The following AKAP6 variants were observed in gnomAD, a reference collection of about 807,000 sequenced individuals.
AKAP6 encodes the protein A-kinase anchoring protein 6, also known as A-kinase anchor protein 6.
A neutral mutation model predicts 188.5 loss-of-function variants in AKAP6; 58 were observed. The observed-to-expected ratio is 0.31, with a 90% CI of 0.25 to 0.38. The LOEUF (loss-of-function observed/expected upper bound fraction) is 0.38. Ranked by LOEUF, AKAP6 falls within the 10% of genes least tolerant of loss-of-function variation. The pLI, the probability that AKAP6 is intolerant of heterozygous loss-of-function variation, is 1.00. For missense variants in AKAP6, 2,710 were observed against 2,740.0 expected, an observed-to-expected ratio of 0.99 and a Z score of 0.24; for synonymous variants, 989 against 998.6, an observed-to-expected ratio of 0.99 and a Z score of 0.18.
At chr14:32,593,311 G>A (rs749360228) in intron 5 of AKAP6, among the ~76,000 whole-genome samples, 20 of 152,194 alleles carry the variant, frequency 1.3e-4, no homozygotes, top group Non-Finnish European at 2.5e-4. Flanking sequence ...TTGATTGGAT[G>A]TGTGGGTCTT....
chr14:32,645,886 A>T (rs1250750245), intron 7 of AKAP6, among the ~76,000 whole-genome samples: 1 of 152,160 alleles, frequency 6.6e-6, no homozygotes, highest in African/African-American at 2.4e-5. Flanking sequence ...TTTTAATTTG[A>T]TCCACATTTA....
rs779086168 is a variant in AKAP6, at chr14:32,577,069, C to T, written c.2347-51C>T. 7.6e-6 allele frequency: 12 copies of T among 1,574,754 alleles called. No individual in the cohort carries two copies. The African/African-American group carries it at 1.7e-4, about 22-fold the overall frequency. Reference sequence around the variant, plus strand: ...TATTGGCTTTTTACAGAATAACCAACTAACATGCCTTTCTTGCCCCTTTTT... The same window carrying T: ...TATTGGCTTTTTACAGAATAACCAATTAACATGCCTTTCTTGCCCCTTTTT... On this transcript the variant is annotated intron_variant, in intron 4 of 13. Transcript: ENST00000280979.
chr14:32,490,825 G>A (rs144987565), intron 2 of AKAP6, among the ~76,000 whole-genome samples: 69 of 152,226 alleles, frequency 4.5e-4, no homozygotes, highest in African/African-American at 9.1e-4. Flanking sequence ...TAGCTTGTTT[G>A]GTTGTTCTCA....
At chr14:32,703,777 A>G (rs1163138285) in intron 9 of AKAP6, among the ~76,000 whole-genome samples, 1 of 152,216 alleles carries the variant, frequency 6.6e-6, no homozygotes, top group Non-Finnish European at 1.5e-5. Context: ...AAATGCTCCT[A>G]TATTTACTAT....
intron 2 of AKAP6, among the ~76,000 whole-genome samples, chr14:32,471,251 A>G (rs1486208301): frequency 6.6e-6 from 1 of 152,250 alleles, no homozygotes; most frequent in Non-Finnish European, 1.5e-5. Flanking sequence ...CCATAATCAT[A>G]AAATGTACTG....
intron 9 of AKAP6, among the ~76,000 whole-genome samples, chr14:32,701,623 G>A (rs1220698742): frequency 6.6e-6 from 1 of 152,090 alleles, no homozygotes; most frequent in Admixed American, 6.5e-5. Flanking sequence ...ATGGAACATA[G>A]TTGACTTGCT....
chr14:32,351,840 T>C (rs771840527), intron 1 of AKAP6, among the ~76,000 whole-genome samples: 1 of 152,178 alleles, frequency 6.6e-6, no homozygotes, highest in Non-Finnish European at 1.5e-5. Flanking sequence ...TCAGACAGGA[T>C]AAGAATGGTA....
intron 2 of AKAP6, among the ~76,000 whole-genome samples, chr14:32,444,866 A>G (rs1261983330): frequency 6.6e-6 from 1 of 152,238 alleles, no homozygotes; most frequent in Non-Finnish European, 1.5e-5. Context: ...CAAAGGGAAA[A>G]TGGAATCTAT....
intron 11 of AKAP6, among the ~76,000 whole-genome samples, chr14:32,744,085 A>C (rs1045546245): frequency 1.3e-5 from 2 of 151,964 alleles, no homozygotes; most frequent in Non-Finnish European, 2.9e-5. Flanking sequence ...TTCCTTCAAC[A>C]CTTTAAATAT....
chr14:32,682,397 C>T lies in AKAP6; in HGVS notation c.2879+3938C>T, dbSNP rs373115435. 1.3e-4 allele frequency among the ~76,000 whole-genome samples: 20 copies of T among 152,312 alleles called. No individual in the cohort carries two copies. In the East Asian group the frequency reaches 3.3e-3, roughly 25 times the overall value. ...AGCAAACAGGATGAGCTCTCGCAGG[C>T]AGGGCTGCATCTTTCATGTTCACTG... is the stretch of plus-strand genomic sequence containing the variant. On this transcript the variant is annotated intron_variant, in intron 8 of 13. Coordinates refer to ENST00000280979, the MANE Select transcript of AKAP6 (RefSeq NM_004274.5).
chr14:32,823,744 T>C lies in AKAP6; in HGVS notation c.5931T>C (p.Ser1977=). The C allele has an allele frequency of 6.2e-7, 1 of 1,613,700 alleles. No homozygotes were observed. The highest frequency in any genetic ancestry group is 8.5e-7 in the Non-Finnish European group (1 of 1,179,930). Residue 1977 remains serine, a synonymous_variant, in exon 13 of 14, where the codon TCT becomes TCC. Coordinates refer to ENST00000280979, the MANE Select transcript of AKAP6 (RefSeq NM_004274.5). ...ATTTTGAAAATCAAAGCACTGCCTC[T>C]ACTCCCACTGAGAAGTCTTTCTCAG... is the stretch of plus-strand genomic sequence containing the variant. ...HHHFENQSTA[S]TPTEKSFSEL... is the part of the protein sequence containing the mutation.
At chr14:32,397,927 C>G (rs752701486) in intron 1 of AKAP6, among the ~76,000 whole-genome samples, 11 of 152,198 alleles carry the variant, frequency 7.2e-5, no homozygotes, top group Non-Finnish European at 1.2e-4. Context: ...CATCACCTGT[C>G]TCTTTTTACT....
At chr14:32,680,362 C>G (rs1452855297) in intron 8 of AKAP6, among the ~76,000 whole-genome samples, 24 of 152,066 alleles carry the variant, frequency 1.6e-4, no homozygotes, top group Admixed American at 1.6e-3. Context: ...GGTGTCCTGC[C>G]CTTAAAACTG....
chr14:32,476,542 T>A (rs747736720), intron 2 of AKAP6, among the ~76,000 whole-genome samples: 8 of 152,182 alleles, frequency 5.3e-5, no homozygotes, highest in Admixed American at 2.0e-4. Flanking sequence ...CCTACTGGAT[T>A]TTAGCCCTGT....
chr14:32,754,176 G>A (rs1046501572), intron 11 of AKAP6, among the ~76,000 whole-genome samples: 1 of 151,878 alleles, frequency 6.6e-6, no homozygotes, highest in Non-Finnish European at 1.5e-5. Context: ...AGATATAAAG[G>A]TGCTCTGGTG....
chr14:32,355,220 C>T (rs1220332826), intron 1 of AKAP6, among the ~76,000 whole-genome samples: 1 of 151,672 alleles, frequency 6.6e-6, no homozygotes, highest in African/African-American at 2.4e-5. Flanking sequence ...TAAAGGGAAA[C>T]ATTTCAATAC....
chr14:32,372,362 C>A (rs1001586910), intron 1 of AKAP6, among the ~76,000 whole-genome samples: 4 of 151,514 alleles, frequency 2.6e-5, no homozygotes, highest in Non-Finnish European at 4.4e-5. Context: ...AAGAAATACA[C>A]CATTAGCAGG....
At chr14:32,690,076 TACACACACACACACACACAC>T (rs10658220) in intron 8 of AKAP6, among the ~76,000 whole-genome samples, 4 of 135,952 alleles carry the variant, frequency 2.9e-5, no homozygotes, top group African/African-American at 8.2e-5. Flanking sequence ...TGCCCCAAAA[TACACACACACACACACACAC>T]ACACACACAC....
At chr14:32,666,942 G>A (rs1230246059) in intron 7 of AKAP6, among the ~76,000 whole-genome samples, 2 of 151,978 alleles carry the variant, frequency 1.3e-5, no homozygotes, top group Non-Finnish European at 2.9e-5. Context: ...CTTTTTTAAT[G>A]TCATTTGTCT....
Sources: gnomAD v4.1 joint callset for allele counts (sites outside exome capture counted in the v4.1 genomes callset) on GRCh38, gnomAD v4.1.1 for gene constraint, MANE v1.5 for transcripts, NCBI Gene and HGNC (gene_info 2026-07-23, HGNC 2026-07-21) for gene names.